Variants in XKR6 observed in about 807,000 individuals in gnomAD.
The protein encoded by XKR6 is XK related 6, also known as XK-related protein 6.
XKR6 carries 22 observed loss-of-function variants against 56.7 expected under a neutral mutation model. That is an observed-to-expected ratio of 0.39 (90% CI 0.28 to 0.55). The LOEUF (loss-of-function observed/expected upper bound fraction) is 0.55. Ranked by LOEUF, XKR6 falls within the 20% of genes least tolerant of loss-of-function variation. The pLI is 0.66. For synonymous variants in XKR6, 524 were observed against 387.8 expected (o/e 1.35, Z -4.13); for missense variants, 852 against 889.0 (o/e 0.96, Z 0.53).
At chr8:10,940,307 C>T (rs1198128300) in intron 1 of XKR6, among the ~76,000 whole-genome samples, 1 of 152,222 alleles carries the variant, frequency 6.6e-6, no homozygotes, top group African/African-American at 2.4e-5. Context: ...AGCTTTCCTC[C>T]TTGGTCAACA....
At chr8:10,959,121 C>G (rs1801983939) in intron 1 of XKR6, among the ~76,000 whole-genome samples, 1 of 152,238 alleles carries the variant, frequency 6.6e-6, no homozygotes, top group South Asian at 2.1e-4. Flanking sequence ...GGTCCCTGGA[C>G]TGAGCTCATG....
intron 1 of XKR6, among the ~76,000 whole-genome samples, chr8:11,144,207 T>C (rs1453031454): frequency 1.4e-5 from 2 of 141,570 alleles, no homozygotes; most frequent in African/African-American, 5.5e-5. Flanking sequence ...TTGATGTAGT[T>C]TTGTTTTAAA....
At chr8:10,943,287 A>G (rs1233621992) in intron 1 of XKR6, among the ~76,000 whole-genome samples, 1 of 152,188 alleles carries the variant, frequency 6.6e-6, no homozygotes, top group Non-Finnish European at 1.5e-5. Flanking sequence ...GGCAGTTACT[A>G]TGATGAGCAG....
intron 1 of XKR6, among the ~76,000 whole-genome samples, chr8:10,984,724 C>CTATATATATA (rs1393662292): frequency 2.4e-4 from 18 of 74,884 alleles, no homozygotes; most frequent in African/African-American, 8.1e-4. Flanking sequence ...CTCTCTCTCT[C>CTATATATATA]TCTCTCTCTA....
At chr8:10,984,795 CT>C (rs1159773504) in intron 1 of XKR6, among the ~76,000 whole-genome samples, 1 of 139,598 alleles carries the variant, frequency 7.2e-6, no homozygotes, top group African/African-American at 2.7e-5. Context: ...TAAAACTCTA[CT>C]AAGCAAATAA....
At chr8:10,949,726 C>T (rs1028029454) in intron 1 of XKR6, among the ~76,000 whole-genome samples, 2 of 152,192 alleles carry the variant, frequency 1.3e-5, no homozygotes, top group Non-Finnish European at 2.9e-5. Flanking sequence ...AGGACCGGTG[C>T]CTACAGACTA....
chr8:11,170,655 C>T (rs747644449), intron 1 of XKR6, among the ~76,000 whole-genome samples: 3 of 152,118 alleles, frequency 2.0e-5, no homozygotes, highest in South Asian at 2.1e-4. Flanking sequence ...TGTGAAGATA[C>T]AAAAAACAAT....
At chr8:10,915,738 G>A (rs560079371) in intron 2 of XKR6, among the ~76,000 whole-genome samples, 1 of 152,342 alleles carries the variant, frequency 6.6e-6, no homozygotes, top group South Asian at 2.1e-4. Flanking sequence ...ACGCCAAGCA[G>A]ATTCCAAATG....
At chr8:10,899,577 C>T (rs1029348251) in intron 2 of XKR6, among the ~76,000 whole-genome samples, 22 of 152,332 alleles carry the variant, frequency 1.4e-4, no homozygotes, top group Admixed American at 1.1e-3. Flanking sequence ...CTGGTCTTTT[C>T]GGCCTCTCCA....
chr8:10,918,373 G>C (rs1185892053), intron 2 of XKR6, among the ~76,000 whole-genome samples: 1 of 152,212 alleles, frequency 6.6e-6, no homozygotes, highest in Non-Finnish European at 1.5e-5. Flanking sequence ...TTGGGGACAA[G>C]AGGCAGAAAC....
intron 1 of XKR6, among the ~76,000 whole-genome samples, chr8:11,174,310 A>G (rs1802542896): frequency 6.6e-6 from 1 of 152,246 alleles, no homozygotes; most frequent in Non-Finnish European, 1.5e-5. Context: ...CGACACTGCA[A>G]CAAAACCCAC....
intron 1 of XKR6, among the ~76,000 whole-genome samples, chr8:11,052,751 C>T (rs554472107): frequency 4.6e-5 from 7 of 151,336 alleles, no homozygotes; most frequent in African/African-American, 1.7e-4. Context: ...GCCTTGCCCA[C>T]CGGGAGTGAG....
At chr8:11,063,034 G>A (rs1799879958) in intron 1 of XKR6, 1 of 356,150 alleles carries the variant, frequency 2.8e-6, no homozygotes, top group South Asian at 2.1e-5. Flanking sequence ...CCACAAATTG[G>A]CATTTGGACT....
chr8:11,107,663 A>T (rs1798729835), intron 1 of XKR6: 1 of 152,632 alleles, frequency 6.6e-6, no homozygotes, highest in Admixed American at 6.5e-5. Context: ...AAGCCCAAAC[A>T]CAATACTTCA....
intron 2 of XKR6, among the ~76,000 whole-genome samples, chr8:10,920,976 A>C (rs1166657281): frequency 6.6e-6 from 1 of 152,254 alleles, no homozygotes; most frequent in Non-Finnish European, 1.5e-5. Context: ...GATTGCAGGG[A>C]GGAGGACACA....
chr8:10,956,922 C>A (rs924237322), intron 1 of XKR6, among the ~76,000 whole-genome samples: 2 of 152,204 alleles, frequency 1.3e-5, no homozygotes, highest in African/African-American at 2.4e-5. Context: ...GCTTTTCTTA[C>A]CCTAGTCCTG....
chr8:11,024,481 G>T (rs551392646), intron 1 of XKR6, among the ~76,000 whole-genome samples: 20 of 152,218 alleles, frequency 1.3e-4, no homozygotes, highest in African/African-American at 4.8e-4. Context: ...CAATTGTCTG[G>T]CACCTAATAA....
intron 1 of XKR6, among the ~76,000 whole-genome samples, chr8:10,981,225 C>G (rs1000313014): frequency 6.6e-6 from 1 of 152,186 alleles, no homozygotes; most frequent in Non-Finnish European, 1.5e-5. Flanking sequence ...AAAATGTGTG[C>G]TTGTCCCCAG....
chr8:11,066,936 TCAC>T (rs1365514615), intron 1 of XKR6: 2 of 152,168 alleles, frequency 1.3e-5, no homozygotes, highest in African/African-American at 4.8e-5. Context: ...CGTTGTCACC[TCAC>T]CACAAGGGCT....
Sources: gnomAD v4.1 joint callset for allele counts (sites outside exome capture counted in the v4.1 genomes callset) on GRCh38, gnomAD v4.1.1 for gene constraint, MANE v1.5 for transcripts, NCBI Gene and HGNC (gene_info 2026-07-23, HGNC 2026-07-21) for gene names.